Variants in SLIT3 observed in about 807,000 individuals in gnomAD.
SLIT3 encodes slit homolog 3 protein.
SLIT3 carries 68 observed loss-of-function variants against 184.0 expected under a neutral mutation model. The observed-to-expected ratio is 0.37, with a 90% confidence interval of 0.30 to 0.45. SLIT3 has a LOEUF of 0.45. Ranked by LOEUF, SLIT3 falls within the 20% of genes least tolerant of loss-of-function variation. SLIT3 has a pLI of 1.00. For missense variants in SLIT3, 1,707 were observed against 2,026.0 expected, an observed-to-expected ratio of 0.84 and a Z score of 3.02; for synonymous variants, 831 against 828.6, an observed-to-expected ratio of 1.00 and a Z score of -0.05.
intron 2 of SLIT3, among the ~76,000 whole-genome samples, chr5:169,245,002 G>A (rs1765539445): frequency 6.6e-6 from 1 of 152,158 alleles, no homozygotes; most frequent in Non-Finnish European, 1.5e-5. Flanking sequence ...TGGTTTCCAT[G>A]CCTCTATTTT....
chr5:168,735,061 C>T (rs1053381085), intron 20 of SLIT3, among the ~76,000 whole-genome samples: 2 of 152,220 alleles, frequency 1.3e-5, no homozygotes, highest in Non-Finnish European at 2.9e-5. Flanking sequence ...CTGTAGCCTA[C>T]AGTCCAGGCT....
chr5:168,936,752 G>A (rs1762170445), intron 4 of SLIT3, among the ~76,000 whole-genome samples: 1 of 152,142 alleles, frequency 6.6e-6, no homozygotes, highest in Admixed American at 6.5e-5. Context: ...TGGATACAGG[G>A]TGGTTGGCGT....
Position 168,663,118 on chromosome 5 carries a change from T to TG in SLIT3, c.*3335dup, listed in dbSNP as rs1760927007. ...GAGCAGAGGGAGGTCTCAGGTTCCTTGGGGAGGCAGAGGGAAAGCTGGCAG... is the reference window on the plus strand; with the variant it reads ...GAGCAGAGGGAGGTCTCAGGTTCCTTGGGGGAGGCAGAGGGAAAGCTGGCAG... On this transcript the variant is annotated 3_prime_UTR_variant, in exon 36 of 36. Coordinates refer to ENST00000519560, the MANE Select transcript of SLIT3 (RefSeq NM_003062.4). 6.6e-6 allele frequency: 1 copy of TG among 152,084 alleles called. No individual in the cohort carries two copies. Among genetic ancestry groups the TG allele is most frequent in the Non-Finnish European group, 1.5e-5 (1 of 68,112 alleles). The allele number at this position is 152,084 out of a possible 1,614,324, so 9.4% of individuals were successfully genotyped here.
chr5:168,966,916 G>T (rs1437586626), intron 4 of SLIT3, among the ~76,000 whole-genome samples: 1 of 152,160 alleles, frequency 6.6e-6, no homozygotes, highest in Non-Finnish European at 1.5e-5. Context: ...TATTTCAAAA[G>T]CTCTTAACGT....
chr5:168,935,779 C>A (rs544597126), intron 4 of SLIT3, among the ~76,000 whole-genome samples: 1 of 152,304 alleles, frequency 6.6e-6, no homozygotes, highest in African/African-American at 2.4e-5. Flanking sequence ...GCTCTTAGGG[C>A]TCTGGAGAAA....
At chr5:168,703,535 A>C (rs937153878) in intron 26 of SLIT3, among the ~76,000 whole-genome samples, 1 of 152,020 alleles carries the variant, frequency 6.6e-6, no homozygotes, top group Admixed American at 6.5e-5. Flanking sequence ...GAATCTAACT[A>C]ATACCTGATG....
intron 3 of SLIT3, among the ~76,000 whole-genome samples, chr5:169,207,183 A>G (rs914686107): frequency 1.4e-4 from 22 of 151,960 alleles, no homozygotes; most frequent in Admixed American, 1.3e-4. Context: ...GAGCAGTTCC[A>G]CATCCCAACC....
chr5:168,983,168 A>G (rs1460620929), intron 4 of SLIT3, among the ~76,000 whole-genome samples: 1 of 152,182 alleles, frequency 6.6e-6, no homozygotes, highest in Non-Finnish European at 1.5e-5. Flanking sequence ...TGAATGTCAA[A>G]AGGCTAAGTC....
At chr5:168,673,670 T>G (rs1561867688) in intron 32 of SLIT3, among the ~76,000 whole-genome samples, 1 of 152,212 alleles carries the variant, frequency 6.6e-6, no homozygotes, top group South Asian at 2.1e-4. Flanking sequence ...TTCTCTTATA[T>G]AAGCACAGTG....
At chr5:169,117,770 G>C (rs1319400552) in intron 4 of SLIT3, among the ~76,000 whole-genome samples, 8 of 152,192 alleles carry the variant, frequency 5.3e-5, no homozygotes, top group Admixed American at 2.6e-4. Flanking sequence ...GGAGAACTCT[G>C]TTTCTCCTAT....
At chr5:168,746,265 G>GGGTGT (rs60958550) in intron 20 of SLIT3, among the ~76,000 whole-genome samples, 149,278 of 149,588 alleles carry the variant, frequency 1, 74,484 homozygotes, top group Middle Eastern at 1. Flanking sequence ...AGATGTGTGT[G>GGGTGT]GGTGTGGTGA....
intron 20 of SLIT3, among the ~76,000 whole-genome samples, chr5:168,742,377 C>T (rs1463150801): frequency 6.7e-6 from 1 of 149,594 alleles, no homozygotes; most frequent in African/African-American, 2.5e-5. Context: ...CTTCCTCACC[C>T]AGAGAGGCCT....
rs574193706 is a variant in SLIT3, at chr5:168,899,441, G to A, written c.414-16105C>T. On this transcript the variant is annotated intron_variant, in intron 4 of 35. Coordinates refer to ENST00000519560, the MANE Select transcript of SLIT3 (RefSeq NM_003062.4). Reference sequence around the variant, plus strand: ...AAGCAAGAGGATCACTCAAACCCAGGCGTTTGAGGTTACAATGAGCTGTGA... The same window carrying A: ...AAGCAAGAGGATCACTCAAACCCAGACGTTTGAGGTTACAATGAGCTGTGA... Among the ~76,000 whole-genome samples, 13 of 152,210 alleles carry A rather than the reference G, an allele frequency of 8.5e-5. No homozygotes were observed. The South Asian group carries it at 2.7e-3, about 32-fold the overall frequency.
chr5:169,138,928 A>C lies in SLIT3; in HGVS notation c.413+54551T>G, dbSNP rs368633282. On this transcript the variant is annotated intron_variant, in intron 4 of 35. Coordinates refer to ENST00000519560, the MANE Select transcript of SLIT3 (RefSeq NM_003062.4). ...CCAGGACTATCCTAAGAGGTTGCTCATGACTGATGGCAGTGGACAACTGAT... is the reference window on the plus strand; with the variant it reads ...CCAGGACTATCCTAAGAGGTTGCTCCTGACTGATGGCAGTGGACAACTGAT... Among the ~76,000 whole-genome samples the C allele has an allele frequency of 1.2e-4, 18 of 152,376 alleles. No individual in the cohort carries two copies. In the East Asian group the frequency reaches 1.9e-3, roughly 16 times the overall value.
chr5:169,172,068 C>G (rs1461345098), intron 4 of SLIT3, among the ~76,000 whole-genome samples: 3 of 152,056 alleles, frequency 2.0e-5, no homozygotes, highest in Non-Finnish European at 4.4e-5. Context: ...GATAAGAAAG[C>G]CTCGGAAATG....
chr5:169,032,445 T>C (rs1474325234), intron 4 of SLIT3, among the ~76,000 whole-genome samples: 1 of 152,086 alleles, frequency 6.6e-6, no homozygotes, highest in Non-Finnish European at 1.5e-5. Context: ...TGCTCAGAAT[T>C]ATAAAAATAG....
rs530103983 is a variant in SLIT3 at position 169,237,567 on chromosome 5, T to C, written c.341+7138A>G. Among the ~76,000 whole-genome samples the C allele has an allele frequency of 1.9e-4, 29 of 152,316 alleles. No homozygotes were observed. The South Asian group carries it at 5.2e-3, about 27-fold the overall frequency. ...CCTGTTACTCCACCTCACCAGCAAT[T>C]AGCATTGTCAATTTTTTAAATTTTC... On this transcript the variant is annotated intron_variant, in intron 3 of 35. Transcript: ENST00000519560.
intron 16 of SLIT3, 113 bp downstream of exon 16, chr5:168,760,749 G>T: frequency 1.3e-6 from 1 of 757,362 alleles, no homozygotes; most frequent in Non-Finnish European, 2.3e-6. Context: ...AGAAGGCTGG[G>T]AGGGAGTGGA....
At chr5:168,674,489 C>CTTTTTTTTTTTT (rs141548947) in intron 32 of SLIT3, among the ~76,000 whole-genome samples, 1 of 119,930 alleles carries the variant, frequency 8.3e-6, no homozygotes, top group African/African-American at 3.2e-5. Context: ...GGGATATTCA[C>CTTTTTTTTTTTT]TTTTTTTTTT....
Sources: gnomAD v4.1 joint callset for allele counts (sites outside exome capture counted in the v4.1 genomes callset) on GRCh38, gnomAD v4.1.1 for gene constraint, MANE v1.5 for transcripts, NCBI Gene and HGNC (gene_info 2026-07-23, HGNC 2026-07-21) for gene names.